Variants in AP3B1 observed in about 807,000 individuals in gnomAD.
The protein encoded by AP3B1 is AP-3 complex subunit beta-1.
AP3B1 carries 61 observed loss-of-function variants against 132.5 expected under a neutral mutation model. That is an observed-to-expected ratio of 0.46 (90% CI 0.37 to 0.57). The LOEUF (loss-of-function observed/expected upper bound fraction) is 0.57, where lower values mean the gene tolerates loss of function less well. Ranked by LOEUF, AP3B1 falls within the 20% of genes least tolerant of loss-of-function variation. AP3B1 has a pLI of 0.00. For synonymous variants in AP3B1, 388 were observed against 438.3 expected (o/e 0.89, Z 1.43); for missense variants, 1,120 against 1,289.4 (o/e 0.87, Z 2.01).
intron 2 of AP3B1, among the ~76,000 whole-genome samples, chr5:78,247,590 T>C (rs1028575284): frequency 1.3e-5 from 2 of 151,974 alleles, no homozygotes; most frequent in South Asian, 2.1e-4. Flanking sequence ...ATGACTCTTA[T>C]TGTTATGTTC....
intron 1 of AP3B1, among the ~76,000 whole-genome samples, chr5:78,272,389 C>T (rs1451298282): frequency 2.6e-5 from 4 of 152,186 alleles, no homozygotes; most frequent in African/African-American, 9.6e-5. Flanking sequence ...TAAACCTCTT[C>T]AATTATTTTA....
intron 2 of AP3B1, among the ~76,000 whole-genome samples, chr5:78,247,364 CAGTT>C (rs1747421732): frequency 1.3e-5 from 2 of 150,364 alleles, no homozygotes; most frequent in African/African-American, 2.4e-5. Context: ...CTATAAATGT[CAGTT>C]AGGTCATATA....
chr5:78,036,209 C>T (rs1027568286), intron 23 of AP3B1, among the ~76,000 whole-genome samples: 5 of 152,110 alleles, frequency 3.3e-5, no homozygotes, highest in South Asian at 2.1e-4. Flanking sequence ...GGGGGACAGT[C>T]CATGATCAAT....
chr5:78,078,382 T>C (rs893783403), intron 22 of AP3B1, among the ~76,000 whole-genome samples: 3 of 152,206 alleles, frequency 2.0e-5, no homozygotes, highest in Admixed American at 1.3e-4. Context: ...ATCTGATCAC[T>C]ATCAATAACC....
rs1334938382 is a variant in AP3B1 at position 78,294,634 on chromosome 5, G to C, written c.-55C>G. 8.1e-6 allele frequency: 13 copies of C among 1,611,890 alleles called. No homozygotes were observed. Among genetic ancestry groups the C allele is most frequent in the Middle Eastern group, 1.6e-4 (1 of 6,062 alleles). Reference sequence around the variant, plus strand: ...TCCTGCCGGGGGTTCTCTCCAAAAGGTTCCAGTCCAGAGGGCACGGAACAA... The same window carrying C: ...TCCTGCCGGGGGTTCTCTCCAAAAGCTTCCAGTCCAGAGGGCACGGAACAA... On this transcript the variant is annotated 5_prime_UTR_variant, in exon 1 of 27. Coordinates refer to ENST00000255194, the MANE Select transcript of AP3B1 (RefSeq NM_003664.5).
intron 14 of AP3B1, among the ~76,000 whole-genome samples, chr5:78,153,945 G>A (rs980914825): frequency 6.6e-6 from 1 of 152,174 alleles, no homozygotes; most frequent in Non-Finnish European, 1.5e-5. Context: ...ATCAGTTCAC[G>A]TTTTAGTCTT....
intron 17 of AP3B1, among the ~76,000 whole-genome samples, chr5:78,122,637 A>G (rs564214944): frequency 2.1e-3 from 318 of 152,328 alleles, no homozygotes; most frequent in African/African-American, 7.1e-3. Flanking sequence ...TCCAACTTAC[A>G]AGGGATGGGA....
intron 24 of AP3B1, among the ~76,000 whole-genome samples, 167 bp downstream of exon 24, chr5:78,034,194 C>A (rs1580262840): frequency 6.6e-6 from 1 of 151,914 alleles, no homozygotes; most frequent in Non-Finnish European, 1.5e-5. Flanking sequence ...ACATATACTA[C>A]ACACAATTTG....
At position 78,294,457 on chromosome 5, in the gene AP3B1, C is replaced by CA; in HGVS notation, c.122dup (p.Leu41PhefsTer5). 3 of 1,614,222 alleles carry CA rather than the reference C, an allele frequency of 1.9e-6. No individual in the cohort carries two copies. Among genetic ancestry groups the CA allele is most frequent in the Non-Finnish European group, 2.5e-6 (3 of 1,180,050 alleles). On this transcript the variant is annotated frameshift_variant, in exon 1 of 27. Coordinates refer to ENST00000255194, the MANE Select transcript of AP3B1 (RefSeq NM_003664.5). LOFTEE classifies it high-confidence loss of function. ...ACCCAAACCTTTCTCCTCACTTCTTCAAATCGCTGCTAAAGAGGCCGAAGG... is the reference window on the plus strand; with the variant it reads ...ACCCAAACCTTTCTCCTCACTTCTTCAAAATCGCTGCTAAAGAGGCCGAAGG...
intron 22 of AP3B1, among the ~76,000 whole-genome samples, chr5:78,051,417 T>C (rs1748578873): frequency 7.2e-6 from 1 of 138,910 alleles, no homozygotes; most frequent in South Asian, 2.2e-4. Context: ...ACATAGCATG[T>C]CTGCTTTTTT....
At chr5:78,193,677 T>C (rs1744933869) in intron 7 of AP3B1, among the ~76,000 whole-genome samples, 1 of 146,524 alleles carries the variant, frequency 6.8e-6, no homozygotes, top group Middle Eastern at 3.7e-3. Flanking sequence ...TATATATTTA[T>C]ATATTTACAT....
intron 22 of AP3B1, among the ~76,000 whole-genome samples, chr5:78,060,723 T>G (rs1228214058): frequency 1.3e-5 from 2 of 152,006 alleles, no homozygotes; most frequent in African/African-American, 2.4e-5. Context: ...AAGATCAGAA[T>G]GTAGTAGACA....
chr5:78,187,787 C>G (rs536726903), intron 7 of AP3B1, among the ~76,000 whole-genome samples: 1 of 152,154 alleles, frequency 6.6e-6, no homozygotes, highest in African/African-American at 2.4e-5. Context: ...CAATGCTAAG[C>G]AAAAAGAACA....
At chr5:78,208,708 T>C (rs1210970233) in intron 7 of AP3B1, among the ~76,000 whole-genome samples, 1 of 152,132 alleles carries the variant, frequency 6.6e-6, no homozygotes, top group Non-Finnish European at 1.5e-5. Flanking sequence ...ACAAGAAGTA[T>C]CACAACAACT....
intron 3 of AP3B1, among the ~76,000 whole-genome samples, chr5:78,229,046 C>T (rs1051087471): frequency 6.6e-6 from 1 of 152,184 alleles, no homozygotes; most frequent in African/African-American, 2.4e-5. Flanking sequence ...CATCCTCCCA[C>T]CTCAGCCTCT....
At chr5:78,118,217 G>T (rs1039098639) in intron 17 of AP3B1, among the ~76,000 whole-genome samples, 1 of 152,126 alleles carries the variant, frequency 6.6e-6, no homozygotes, top group South Asian at 2.1e-4. Context: ...AGCCAAGATG[G>T]CCGAATAGGA....
At chr5:78,263,885 T>C (rs139547690) in intron 2 of AP3B1, among the ~76,000 whole-genome samples, 54 of 152,342 alleles carry the variant, frequency 3.5e-4, no homozygotes, top group African/African-American at 1.3e-3. Flanking sequence ...TGTAAGATTA[T>C]AATACTGTAT....
chr5:78,271,339 T>A (rs751270159), intron 1 of AP3B1, among the ~76,000 whole-genome samples: 3 of 152,130 alleles, frequency 2.0e-5, no homozygotes, highest in Non-Finnish European at 2.9e-5. Flanking sequence ...GATAATTGCT[T>A]GAATCTGGGA....
chr5:78,059,065 A>G (rs1419711582), intron 22 of AP3B1, among the ~76,000 whole-genome samples: 1 of 152,264 alleles, frequency 6.6e-6, no homozygotes, highest in South Asian at 2.1e-4. Context: ...AATGTTGCCA[A>G]TAAGTTGACT....
Sources: gnomAD v4.1 joint callset for allele counts (sites outside exome capture counted in the v4.1 genomes callset) on GRCh38, gnomAD v4.1.1 for gene constraint, MANE v1.5 for transcripts, NCBI Gene and HGNC (gene_info 2026-07-23, HGNC 2026-07-21) for gene names.